The following TOP1 variants were observed in gnomAD, a reference collection of about 807,000 sequenced individuals.
The protein encoded by TOP1 is DNA topoisomerase I.
A neutral mutation model predicts 111.1 loss-of-function variants in TOP1; 10 were observed. That is an observed-to-expected ratio of 0.09 (90% CI 0.06 to 0.15). The LOEUF is 0.15. Among genes scored for constraint, TOP1 ranks in the 10% least tolerant of loss-of-function variants. TOP1 has a pLI of 1.00. For missense variants in TOP1, 474 were observed against 926.7 expected (o/e 0.51, Z 6.34); for synonymous variants, 271 against 302.9 (o/e 0.89, Z 1.10).
intron 2 of TOP1, among the ~76,000 whole-genome samples, chr20:41,042,061 C>A (rs1331322767): frequency 6.6e-6 from 1 of 152,080 alleles, no homozygotes; most frequent in Non-Finnish European, 1.5e-5. Context: ...GGCACACCAC[C>A]ACCACACCTG....
At chr20:41,077,756 C>A in intron 5 of TOP1, 119 bp downstream of exon 5, 1 of 894,770 alleles carries the variant, frequency 1.1e-6, no homozygotes, top group East Asian at 2.5e-5. Context: ...CTTGATGGTT[C>A]CCAGAAGCTC....
In TOP1 at chr20:41,110,199, C is replaced by T. The variant is rs1010863407; in HGVS notation, c.1309-2583C>T. ...ATTCAGGAGGCTGAGACATGGGAAT[C>T]GCTTGAACCTGAGGGGTAGAGGTTG... On this transcript the variant is annotated intron_variant, in intron 13 of 20. Transcript: ENST00000361337. This position sits in a 1 kb window ranked among gnomAD's most constrained non-coding sequence, Gnocchi z 4.2. 6.6e-6 allele frequency among the ~76,000 whole-genome samples: 1 copy of T among 152,054 alleles called. No individual in the cohort carries two copies. Among genetic ancestry groups the T allele is most frequent in the Admixed American group, 6.6e-5 (1 of 15,256 alleles).
Position 41,122,568 on chromosome 20 carries a change from A to G in TOP1, c.2195+413A>G, listed in dbSNP as rs1243811750. Among the ~76,000 whole-genome samples, 1 of 152,220 alleles carries G rather than the reference A, an allele frequency of 6.6e-6. No homozygotes were observed. The highest frequency in any genetic ancestry group is 1.5e-5 in the Non-Finnish European group (1 of 68,036). On this transcript the variant is annotated intron_variant, in intron 20 of 20. Transcript: ENST00000361337. This position sits in a 1 kb window ranked among gnomAD's most constrained non-coding sequence, Gnocchi z 5.4. ...ACAAGAGATAAAGATGAGAATACAG[A>G]TCTGAGCAACTTACACAGAGAGGCA...
chr20:41,079,358 C>T lies in TOP1; in HGVS notation c.336-727C>T, dbSNP rs1234496644. Reference sequence around the variant, plus strand: ...GGCTCTATGGTGTTTTTTACTTGTTCCTTCTCTGTTTTGGTTCAAGATGTT... The same window carrying T: ...GGCTCTATGGTGTTTTTTACTTGTTTCTTCTCTGTTTTGGTTCAAGATGTT... On this transcript the variant is annotated intron_variant, in intron 5 of 20. Coordinates refer to ENST00000361337, the MANE Select transcript of TOP1 (RefSeq NM_003286.4). The surrounding 1 kb of genome is among the most constrained non-coding windows in gnomAD (Gnocchi z 4.0). 6.6e-6 allele frequency among the ~76,000 whole-genome samples: 1 copy of T among 152,044 alleles called. No individual in the cohort carries two copies. The highest frequency in any genetic ancestry group is 2.1e-4 in the South Asian group (1 of 4,822).
chr20:41,107,626 T>G (rs745333648), intron 13 of TOP1, among the ~76,000 whole-genome samples: 7 of 152,228 alleles, frequency 4.6e-5, no homozygotes, highest in Non-Finnish European at 1.0e-4. Context: ...TTTTTATGCA[T>G]ACTAAACATA....
At chr20:41,045,761 A>G (rs1272708601) in intron 2 of TOP1, among the ~76,000 whole-genome samples, 1 of 152,224 alleles carries the variant, frequency 6.6e-6, no homozygotes. Context: ...TATAAGTGGT[A>G]GAGAATCAAA....
chr20:41,039,155 A>C (rs539035004), intron 2 of TOP1, among the ~76,000 whole-genome samples: 77 of 152,358 alleles, frequency 5.1e-4, no homozygotes, highest in Non-Finnish European at 1.0e-3. Flanking sequence ...AAACATTCAG[A>C]AAGTGAATAT....
In TOP1 at chr20:41,122,530, G is replaced by A. The variant is rs2034439594; in HGVS notation, c.2195+375G>A. Among the ~76,000 whole-genome samples, 1 of 152,190 alleles carries A rather than the reference G, an allele frequency of 6.6e-6. No homozygotes were observed. The highest frequency in any genetic ancestry group is 2.4e-5 in the African/African-American group (1 of 41,450). On this transcript the variant is annotated intron_variant, in intron 20 of 20. Transcript: ENST00000361337. The surrounding 1 kb of genome is among the most constrained non-coding windows in gnomAD (Gnocchi z 5.4). Reference sequence around the variant, plus strand: ...AAACTTTTCGTTGAATTTTTTTGCAGTTGAAGGTAGGAACAAGAGATAAAG... The same window carrying A: ...AAACTTTTCGTTGAATTTTTTTGCAATTGAAGGTAGGAACAAGAGATAAAG...
intron 2 of TOP1, among the ~76,000 whole-genome samples, chr20:41,042,338 A>T (rs1169108604): frequency 1.3e-5 from 2 of 152,234 alleles, no homozygotes; most frequent in East Asian, 3.8e-4. Flanking sequence ...AGATATAGTT[A>T]ACTGCCTTTG....
In TOP1 at chr20:41,097,417, A is replaced by G; in HGVS notation, c.852+76A>G. 7.1e-7 allele frequency: 1 copy of G among 1,406,356 alleles called. No individual in the cohort carries two copies. The highest frequency in any genetic ancestry group is 2.4e-5 in the East Asian group (1 of 41,362). 87.1% of individuals were successfully genotyped at this position (1,406,356 alleles called of 1,614,324 possible). On this transcript the variant is annotated intron_variant, in intron 10 of 20. Transcript: ENST00000361337. The surrounding 1 kb of genome is among the most constrained non-coding windows in gnomAD (Gnocchi z 4.2). ...ACTAAGTAATAAATTATCATTTTGC[A>G]AAACATTTCCTGATGTAAAATTTGA... is the stretch of plus-strand genomic sequence containing the variant.
At chr20:41,087,072 T>C (rs1425416638) in intron 8 of TOP1, among the ~76,000 whole-genome samples, 3 of 152,220 alleles carry the variant, frequency 2.0e-5, no homozygotes, top group Admixed American at 2.0e-4. Flanking sequence ...GCTTGACAAA[T>C]TTGCAGATCT....
chr20:41,068,964 G>A (rs2033640615), intron 3 of TOP1, among the ~76,000 whole-genome samples: 1 of 152,152 alleles, frequency 6.6e-6, no homozygotes, highest in Non-Finnish European at 1.5e-5. Context: ...TTTAAACCTG[G>A]CATTCACACT....
intron 8 of TOP1, among the ~76,000 whole-genome samples, chr20:41,090,586 T>C (rs1016542237): frequency 9.2e-5 from 14 of 152,114 alleles, no homozygotes; most frequent in African/African-American, 3.4e-4. Context: ...CACTGCAACC[T>C]TCACCTCCCA....
intron 2 of TOP1, among the ~76,000 whole-genome samples, chr20:41,056,831 T>C (rs374442544): frequency 3.3e-5 from 5 of 152,302 alleles, no homozygotes; most frequent in African/African-American, 9.6e-5. Flanking sequence ...ACCTAGGTCT[T>C]ATTTGTATCA....
chr20:41,048,110 A>G (rs184399218), intron 2 of TOP1, among the ~76,000 whole-genome samples: 138 of 151,390 alleles, frequency 9.1e-4, no homozygotes, highest in Middle Eastern at 6.8e-3. Flanking sequence ...AAAAAAAAAA[A>G]TTCCCCAGAG....
At chr20:41,089,181 T>C (rs1390030355) in intron 8 of TOP1, among the ~76,000 whole-genome samples, 3 of 151,886 alleles carry the variant, frequency 2.0e-5, no homozygotes, top group Non-Finnish European at 4.4e-5. Context: ...CCCACCACCA[T>C]TCCCGGCTAA....
At position 41,100,939 on chromosome 20, in the gene TOP1, G is replaced by C. The variant is rs1283769211; in HGVS notation, c.1164-270G>C. On this transcript the variant is annotated intron_variant, in intron 12 of 20. Transcript: ENST00000361337. The surrounding 1 kb of genome is among the most constrained non-coding windows in gnomAD (Gnocchi z 4.4). ...TGTATATATGGTTCACGCATCCCAG[G>C]TGGGACTACAAGAGATTTCATCATG... 4.6e-6 allele frequency: 2 copies of C among 438,140 alleles called. No homozygotes were observed. Among genetic ancestry groups the C allele is most frequent in the Non-Finnish European group, 8.4e-6 (2 of 238,418 alleles). The allele number at this position is 438,140 out of a possible 1,614,324, so 27.1% of individuals were successfully genotyped here.
chr20:41,074,228 TAAAA>T (rs2033699408), intron 3 of TOP1, among the ~76,000 whole-genome samples: 1 of 152,046 alleles, frequency 6.6e-6, no homozygotes, highest in Non-Finnish European at 1.5e-5. Context: ...CATTTTTAAA[TAAAA>T]CATTGCATTT....
Position 41,080,492 on chromosome 20 carries a change from A to G in TOP1, c.431+312A>G, listed in dbSNP as rs2033776597. ...TTATTTAAGTTACTTAAAATTTCTT[A>G]TTGCCTACCACAGATAACTTAAAGC... On this transcript the variant is annotated intron_variant, in intron 6 of 20. Coordinates refer to ENST00000361337, the MANE Select transcript of TOP1 (RefSeq NM_003286.4). This position sits in a 1 kb window ranked among gnomAD's most constrained non-coding sequence, Gnocchi z 5.0. Among the ~76,000 whole-genome samples, 1 of 152,208 alleles carries G rather than the reference A, an allele frequency of 6.6e-6. No individual in the cohort carries two copies. The highest frequency in any genetic ancestry group is 2.1e-4 in the South Asian group (1 of 4,834).
Sources: allele counts gnomAD v4.1 joint callset (sites outside exome capture counted in the v4.1 genomes callset), GRCh38; gene constraint gnomAD v4.1.1; non-coding constraint Gnocchi (gnomAD v3.1); transcripts MANE v1.5; gene names NCBI Gene and HGNC (gene_info 2026-07-23, HGNC 2026-07-21).